The following GRB10 variants were observed in gnomAD, a reference collection of about 807,000 sequenced individuals.
The protein encoded by GRB10 is growth factor receptor bound protein 10.
GRB10 carries 20 observed loss-of-function variants against 80.9 expected under a neutral mutation model. The observed-to-expected ratio is 0.25, with a 90% CI of 0.17 to 0.36. The LOEUF (loss-of-function observed/expected upper bound fraction) is 0.36. Ranked by LOEUF, GRB10 falls within the 10% of genes least tolerant of loss-of-function variation. GRB10 has a pLI of 1.00. For synonymous variants in GRB10, 291 were observed against 291.5 expected (o/e 1.00, Z 0.02); for missense variants, 548 against 747.7 (o/e 0.73, Z 3.12).
At chr7:50,740,125 A>G (rs1012483210) in intron 3 of GRB10, among the ~76,000 whole-genome samples, 2 of 152,204 alleles carry the variant, frequency 1.3e-5, no homozygotes, top group Non-Finnish European at 2.9e-5. Flanking sequence ...ATTCCTTAGG[A>G]AATCTACATT....
chr7:50,646,136 A>C (rs1180974501), intron 7 of GRB10, among the ~76,000 whole-genome samples: 1 of 152,224 alleles, frequency 6.6e-6, no homozygotes, highest in Non-Finnish European at 1.5e-5. Context: ...TCATAATTAG[A>C]AAAAGCTGCA....
intron 4 of GRB10, among the ~76,000 whole-genome samples, chr7:50,706,531 T>C (rs2065057894): frequency 6.6e-6 from 1 of 152,258 alleles, no homozygotes; most frequent in Non-Finnish European, 1.5e-5. Context: ...GCCTGTTTCA[T>C]AACACCCAAG....
At chr7:50,721,227 C>T (rs1393729122) in intron 4 of GRB10, among the ~76,000 whole-genome samples, 1 of 152,226 alleles carries the variant, frequency 6.6e-6, no homozygotes, top group East Asian at 1.9e-4. Context: ...ATTAAATGGA[C>T]AATTCCAGAA....
At chr7:50,769,391 G>A (rs973672855) in intron 2 of GRB10, among the ~76,000 whole-genome samples, 1 of 152,114 alleles carries the variant, frequency 6.6e-6, no homozygotes, top group Non-Finnish European at 1.5e-5. Context: ...AGAGTCCTGG[G>A]ACCCGAGAAA....
rs923796006 is a variant in GRB10, at chr7:50,592,817, G to A, written c.*135C>T. ...TCCAACAAACTAGTCAATCTTGGTC[G>A]GCTGGCACCGAACAAACCCATCTCG... On this transcript the variant is annotated 3_prime_UTR_variant, in exon 19 of 19. Coordinates refer to ENST00000401949, the MANE Select transcript of GRB10 (RefSeq NM_001350814.2). The A allele has an allele frequency of 1.9e-5, 19 of 1,019,466 alleles. No individual in the cohort carries two copies. Among genetic ancestry groups the A allele is most frequent in the East Asian group, 1.2e-4 (5 of 41,560 alleles). The allele number at this position is 1,019,466 out of a possible 1,614,324, so 63.2% of individuals were successfully genotyped here. A position where few individuals can be genotyped will look rare whatever the true frequency, so the allele number is the denominator to read the frequency against.
chr7:50,630,071 G>C (rs570934739), intron 7 of GRB10, among the ~76,000 whole-genome samples: 1 of 152,216 alleles, frequency 6.6e-6, no homozygotes, highest in Non-Finnish European at 1.5e-5. Flanking sequence ...GTTCTATCCC[G>C]GCTTAGCCTC....
intron 7 of GRB10, among the ~76,000 whole-genome samples, chr7:50,631,781 A>G (rs1459026742): frequency 6.6e-6 from 1 of 152,214 alleles, no homozygotes; most frequent in Non-Finnish European, 1.5e-5. Flanking sequence ...AGGAAGGCAA[A>G]GGAAGCCTTA....
At chr7:50,654,601 T>G (rs2058426892) in intron 7 of GRB10, among the ~76,000 whole-genome samples, 1 of 152,212 alleles carries the variant, frequency 6.6e-6, no homozygotes, top group Admixed American at 6.5e-5. Context: ...GTTTAGCATT[T>G]TATTTTGAAA....
At chr7:50,645,486 T>C (rs1263519387) in intron 7 of GRB10, 3 of 457,408 alleles carry the variant, frequency 6.6e-6, no homozygotes, top group Non-Finnish European at 8.6e-6. Context: ...ACACTGCCAT[T>C]TGGGCACTAA....
chr7:50,763,158 C>T (rs2075952030), intron 2 of GRB10, among the ~76,000 whole-genome samples: 1 of 151,196 alleles, frequency 6.6e-6, no homozygotes, highest in South Asian at 2.1e-4. Flanking sequence ...ATTTCCATTA[C>T]CACACAGCCA....
At chr7:50,707,906 G>A (rs1451249429) in intron 4 of GRB10, among the ~76,000 whole-genome samples, 2 of 152,156 alleles carry the variant, frequency 1.3e-5, no homozygotes, top group Non-Finnish European at 2.9e-5. Context: ...CCTCTTTTAA[G>A]TGCCAACCAG....
chr7:50,727,498 TAG>T (rs1467308613), intron 4 of GRB10, among the ~76,000 whole-genome samples: 1 of 152,196 alleles, frequency 6.6e-6, no homozygotes, highest in Non-Finnish European at 1.5e-5. Flanking sequence ...ATTTAAAGAA[TAG>T]AGTTTTCAAC....
intron 2 of GRB10, among the ~76,000 whole-genome samples, chr7:50,775,743 T>C (rs1170076961): frequency 5.3e-5 from 8 of 152,232 alleles, no homozygotes; most frequent in Non-Finnish European, 1.0e-4. Flanking sequence ...TAGGTGAAGG[T>C]AGCCATGCAT....
At chr7:50,749,784 T>C (rs909187191) in intron 3 of GRB10, among the ~76,000 whole-genome samples, 5 of 152,190 alleles carry the variant, frequency 3.3e-5, no homozygotes, top group African/African-American at 1.2e-4. Context: ...GAGGGCACCT[T>C]TGAAATGTTA....
intron 7 of GRB10, among the ~76,000 whole-genome samples, chr7:50,638,511 C>T (rs1224704944): frequency 1.3e-5 from 2 of 152,146 alleles, no homozygotes; most frequent in Non-Finnish European, 2.9e-5. Context: ...CACTAGTTAT[C>T]AGAGAAATGC....
intron 7 of GRB10, among the ~76,000 whole-genome samples, chr7:50,662,905 A>C (rs966940015): frequency 6.6e-6 from 1 of 152,204 alleles, no homozygotes; most frequent in Admixed American, 6.5e-5. Flanking sequence ...CTTTCAGGTG[A>C]TGCTCTTACA....
rs2153627234 is a variant in GRB10, at chr7:50,659,208, T to C, written c.504+10514A>G. On this transcript the variant is annotated intron_variant, in intron 7 of 18. Coordinates refer to ENST00000401949, the MANE Select transcript of GRB10 (RefSeq NM_001350814.2). ...CTAAAATCAAACGGGAAATGTAGAA[T>C]TGCCAAGAAAACGATAGACGATGCC... 2.0e-5 allele frequency among the ~76,000 whole-genome samples: 3 copies of C among 152,260 alleles called. 1 individual carries two copies. In the Middle Eastern group the frequency reaches 0.01, roughly 518 times the overall value.
At chr7:50,681,435 C>T (rs1472446244) in intron 5 of GRB10, among the ~76,000 whole-genome samples, 2 of 152,186 alleles carry the variant, frequency 1.3e-5, no homozygotes, top group African/African-American at 2.4e-5. Context: ...CCCAGGATGC[C>T]GCCCGACCTT....
intron 5 of GRB10, among the ~76,000 whole-genome samples, chr7:50,698,298 C>T (rs376136621): frequency 3.9e-5 from 6 of 152,144 alleles, no homozygotes; most frequent in Non-Finnish European, 5.9e-5. Flanking sequence ...TCATCTGTAA[C>T]GTCTACATAG....
Sources: gnomAD v4.1 joint callset for allele counts (sites outside exome capture counted in the v4.1 genomes callset) on GRCh38, gnomAD v4.1.1 for gene constraint, MANE v1.5 for transcripts, NCBI Gene and HGNC (gene_info 2026-07-23, HGNC 2026-07-21) for gene names.